Variants in ARRB1 observed in about 807,000 individuals in gnomAD.
The protein encoded by ARRB1 is arrestin beta 1, also known as beta-arrestin-1.
In ARRB1, 21 loss-of-function variants were observed where a neutral mutation model predicts 56.8. The ratio of observed to expected loss-of-function variants is 0.37; its 90% CI spans 0.26 to 0.53. The LOEUF (loss-of-function observed/expected upper bound fraction) is 0.53. Among genes scored for constraint, ARRB1 ranks in the 20% least tolerant of loss-of-function variants. The pLI, the probability that ARRB1 is intolerant of heterozygous loss-of-function variation, is 0.88. For synonymous variants in ARRB1, 210 were observed against 218.6 expected (o/e 0.96, Z 0.35); for missense variants, 424 against 553.7 (o/e 0.77, Z 2.35).
rs778238720 is a variant in ARRB1, at chr11:75,266,119, C to T, written c.*44G>A. 1.4e-6 allele frequency: 2 copies of T among 1,461,276 alleles called. No individual in the cohort carries two copies. Among genetic ancestry groups the T allele is most frequent in the Admixed American group, 3.3e-5 (2 of 59,814 alleles). 90.5% of individuals were successfully genotyped at this position (1,461,276 alleles called of 1,614,324 possible). ...AAGAAGACGAGTAAGCATCCGAGTG[C>T]ACGAGAGTGGAGCCGGAGCCACGTG... On this transcript the variant is annotated 3_prime_UTR_variant, in exon 16 of 16. Coordinates refer to ENST00000420843, the MANE Select transcript of ARRB1 (RefSeq NM_004041.5).
At chr11:75,269,235 G>C in intron 13 of ARRB1, 1 of 678,088 alleles carries the variant, frequency 1.5e-6, no homozygotes, top group Non-Finnish European at 2.7e-6. Flanking sequence ...GCCCAGGGGT[G>C]GGAAAGGATT....
At chr11:75,282,231 T>G (rs2140424114) in intron 5 of ARRB1, 1 of 536,426 alleles carries the variant, frequency 1.9e-6, no homozygotes, top group Non-Finnish European at 3.3e-6. Context: ...CCCAGCCCAG[T>G]CCTCGCAGCA....
At chr11:75,316,757 A>T (rs1246779496) in intron 1 of ARRB1, among the ~76,000 whole-genome samples, 1 of 152,074 alleles carries the variant, frequency 6.6e-6, no homozygotes, top group Non-Finnish European at 1.5e-5. Context: ...CTCTTTAAAA[A>T]AATTTTTTTT....
At chr11:75,289,351 G>A (rs1458716667) in intron 2 of ARRB1, among the ~76,000 whole-genome samples, 1 of 152,134 alleles carries the variant, frequency 6.6e-6, no homozygotes, top group Non-Finnish European at 1.5e-5. Context: ...AGAAGCTGCC[G>A]CTGCCCACCA....
intron 1 of ARRB1, among the ~76,000 whole-genome samples, chr11:75,291,831 C>T (rs1946618329): frequency 6.6e-6 from 1 of 152,232 alleles, no homozygotes; most frequent in Non-Finnish European, 1.5e-5. Context: ...ACACATGAGG[C>T]TGAGAGGGCT....
At chr11:75,349,507 T>C (rs1034885767) in intron 1 of ARRB1, among the ~76,000 whole-genome samples, 1 of 152,142 alleles carries the variant, frequency 6.6e-6, no homozygotes, top group Admixed American at 6.6e-5. Context: ...CTGACAATCA[T>C]GTCAGCAGGA....
rs937857005 is a variant in ARRB1 at position 75,282,032 on chromosome 11, G to T, written c.355-11C>A. On this transcript the variant is annotated splice_polypyrimidine_tract_variant and intron_variant, in intron 5 of 15. Transcript: ENST00000420843. ...AAGGTTTGGAGGGATCTGTCAAGAAGAGGACAGAACGAGCCACCTGTCACA... is the reference window on the plus strand; with the variant it reads ...AAGGTTTGGAGGGATCTGTCAAGAATAGGACAGAACGAGCCACCTGTCACA... 3 of 1,613,914 alleles carry T rather than the reference G, an allele frequency of 1.9e-6. No homozygotes were observed. Among genetic ancestry groups the T allele is most frequent in the Non-Finnish European group, 2.5e-6 (3 of 1,179,940 alleles).
At chr11:75,338,165 C>A (rs923020651) in intron 1 of ARRB1, among the ~76,000 whole-genome samples, 1 of 152,004 alleles carries the variant, frequency 6.6e-6, no homozygotes, top group African/African-American at 2.4e-5. Flanking sequence ...GCCTCCAGTG[C>A]CACCTAGAGA....
intron 7 of ARRB1, among the ~76,000 whole-genome samples, chr11:75,278,997 G>A (rs1946265621): frequency 6.6e-6 from 1 of 152,222 alleles, no homozygotes. Flanking sequence ...TGCTGAAACA[G>A]GGACTACATT....
chr11:75,308,685 C>CAGTG (rs1354308512), intron 1 of ARRB1, among the ~76,000 whole-genome samples: 1 of 151,452 alleles, frequency 6.6e-6, no homozygotes, highest in Non-Finnish European at 1.5e-5. Flanking sequence ...ACGGAGGTTG[C>CAGTG]AGTGAGCCAA....
chr11:75,281,153 G>C lies in ARRB1; in HGVS notation c.415-11C>G. On this transcript the variant is annotated splice_polypyrimidine_tract_variant and intron_variant, in intron 6 of 15. Transcript: ENST00000420843. Reference sequence around the variant, plus strand: ...GTCCACACCGCAAGCCTGTGGGGAAGGGGTCACTGACCACAGGGCCTTGGA... The same window carrying C: ...GTCCACACCGCAAGCCTGTGGGGAACGGGTCACTGACCACAGGGCCTTGGA... 2 of 1,590,246 alleles carry C rather than the reference G, an allele frequency of 1.3e-6. No homozygotes were observed. Among genetic ancestry groups the C allele is most frequent in the Non-Finnish European group, 1.7e-6 (2 of 1,167,290 alleles).
chr11:75,287,987 T>A (rs1208168659), intron 2 of ARRB1, among the ~76,000 whole-genome samples: 1 of 152,044 alleles, frequency 6.6e-6, no homozygotes, highest in African/African-American at 2.4e-5. Flanking sequence ...CTCAGCCTCC[T>A]AAGTAGCTGG....
Position 75,336,821 on chromosome 11 carries a change from C to A in ARRB1, c.20+14767G>T, listed in dbSNP as rs960495780. Among the ~76,000 whole-genome samples, 35 of 152,252 alleles carry A rather than the reference C, an allele frequency of 2.3e-4. 1 individual carries two copies. Among genetic ancestry groups the A allele is most frequent in the African/African-American group, 8.2e-4 (34 of 41,548 alleles). On this transcript the variant is annotated intron_variant, in intron 1 of 15. Coordinates refer to ENST00000420843, the MANE Select transcript of ARRB1 (RefSeq NM_004041.5). The stretch of plus-strand genomic sequence containing the variant: ...CCTCACACACATGATCCATCACCAC[C>A]CTATGAGGGGAATATTATCACCTCC...
intron 6 of ARRB1, chr11:75,281,647 C>G (rs1266972792): frequency 2.6e-6 from 1 of 388,070 alleles, no homozygotes; most frequent in Non-Finnish European, 4.7e-6. Flanking sequence ...GATGATCGCA[C>G]TTTGATTCCA....
chr11:75,329,222 G>A (rs1009454739), intron 1 of ARRB1, among the ~76,000 whole-genome samples: 1 of 150,194 alleles, frequency 6.7e-6, no homozygotes, highest in East Asian at 2.0e-4. Context: ...CACCTCAGCC[G>A]CCTGAGTAGC....
chr11:75,275,120 T>C (rs569201194), intron 10 of ARRB1, among the ~76,000 whole-genome samples: 132 of 144,638 alleles, frequency 9.1e-4, no homozygotes, highest in African/African-American at 3.3e-3. Flanking sequence ...AAATTTAATT[T>C]AAATTTATTT....
rs375327165 is a variant in ARRB1 at position 75,280,534 on chromosome 11, C to T, written c.482+541G>A. Among the ~76,000 whole-genome samples the T allele has an allele frequency of 2.6e-5, 4 of 152,324 alleles. No homozygotes were observed. In the South Asian group the frequency reaches 8.3e-4, roughly 32 times the overall value. On this transcript the variant is annotated intron_variant, in intron 7 of 15. Transcript: ENST00000420843. Reference sequence around the variant, plus strand: ...AGCTGTTTCTGGCTGCCAGCCTGGGCTCTCTGTCTGCCCGGGCTGTTCTTC... The same window carrying T: ...AGCTGTTTCTGGCTGCCAGCCTGGGTTCTCTGTCTGCCCGGGCTGTTCTTC...
rs146394424 is a variant in ARRB1 at position 75,304,951 on chromosome 11, T to C, written c.21-14912A>G. Among the ~76,000 whole-genome samples the C allele has an allele frequency of 1.7e-3, 257 of 151,280 alleles. 2 individuals carry two copies. Among genetic ancestry groups the C allele is most frequent in the African/African-American group, 5.7e-3 (236 of 41,352 alleles). ...GAAAAATAGAAATCCTAATGTGAAC[T>C]TACAATTAAATAAACTCTATTAAAA... is the stretch of plus-strand genomic sequence containing the variant. On this transcript the variant is annotated intron_variant, in intron 1 of 15. Transcript: ENST00000420843.
At chr11:75,310,248 C>A (rs746535881) in intron 1 of ARRB1, among the ~76,000 whole-genome samples, 1 of 152,164 alleles carries the variant, frequency 6.6e-6, no homozygotes, top group Non-Finnish European at 1.5e-5. Flanking sequence ...GGCAACACAG[C>A]CTGCTCCAGG....
Sources: allele counts gnomAD v4.1 joint callset (sites outside exome capture counted in the v4.1 genomes callset), GRCh38; gene constraint gnomAD v4.1.1; transcripts MANE v1.5; gene names NCBI Gene and HGNC (gene_info 2026-07-23, HGNC 2026-07-21).